RBFOX1: variants seen among roughly 807,000 people sequenced by gnomAD.
The protein encoded by RBFOX1 is RNA binding protein fox-1 homolog 1.
A neutral mutation model predicts 57.7 loss-of-function variants in RBFOX1; 8 were observed. That is an observed-to-expected ratio of 0.14 (90% CI 0.08 to 0.25). The LOEUF (loss-of-function observed/expected upper bound fraction) is 0.25. RBFOX1 is among the 10% of genes least tolerant of loss of function. The pLI, the probability that RBFOX1 is intolerant of heterozygous loss-of-function variation, is 1.00. For synonymous variants in RBFOX1, 326 were observed against 222.4 expected, an observed-to-expected ratio of 1.47 and a Z score of -4.15; for missense variants, 611 against 548.5, an observed-to-expected ratio of 1.11 and a Z score of -1.14.
chr16:7,686,541 GAA>G, intron 14 of RBFOX1, among the ~76,000 whole-genome samples: 1 of 151,816 alleles, frequency 6.6e-6, no homozygotes, highest in Non-Finnish European at 1.5e-5. Flanking sequence ...GGTGGAGAGA[GAA>G]AGAGACTTTC....
chr16:7,437,260 C>A (rs556288333), intron 4 of RBFOX1, among the ~76,000 whole-genome samples: 9 of 144,358 alleles, frequency 6.2e-5, no homozygotes, highest in African/African-American at 1.5e-4. Context: ...GCCCCCCCCC[C>A]CTTTCTGTTA....
upstream of RBFOX1, among the ~76,000 whole-genome samples, chr16:6,017,851 C>A (rs372145305): frequency 2.6e-5 from 4 of 152,188 alleles, no homozygotes; most frequent in South Asian, 4.1e-4. Flanking sequence ...TCACATGGCC[C>A]CCTGTTTTGG....
intron 3 of RBFOX1, among the ~76,000 whole-genome samples, chr16:6,831,956 C>A (rs1035653779): frequency 6.6e-6 from 1 of 152,088 alleles, no homozygotes; most frequent in East Asian, 1.9e-4. Context: ...ATTGCTATTG[C>A]AAAAACGGGA....
intron 1 of RBFOX1, among the ~76,000 whole-genome samples, chr16:5,454,906 C>G (rs1239864616): frequency 0.01 from 701 of 67,938 alleles, 17 homozygotes; most frequent in African/African-American, 0.014. Context: ...TTCTTTCTTT[C>G]TTTCTTTCCT....
At chr16:6,446,665 T>A (rs2094492227) in intron 2 of RBFOX1, among the ~76,000 whole-genome samples, 1 of 152,184 alleles carries the variant, frequency 6.6e-6, no homozygotes, top group South Asian at 2.1e-4. Flanking sequence ...GAACATCTAC[T>A]TTTTAGGATT....
At chr16:6,461,394 T>G (rs2094916493) in intron 2 of RBFOX1, among the ~76,000 whole-genome samples, 1 of 152,228 alleles carries the variant, frequency 6.6e-6, no homozygotes, top group African/African-American at 2.4e-5. Flanking sequence ...TTTGAGGGAT[T>G]AAGACTTCAA....
intron 1 of RBFOX1, among the ~76,000 whole-genome samples, chr16:5,422,959 G>T (rs896229882): frequency 8.3e-6 from 1 of 120,500 alleles, no homozygotes; most frequent in African/African-American, 3.3e-5. Flanking sequence ...GAGGAAAGAG[G>T]AGGAGGAGGG....
At chr16:7,316,995 C>CACAA (rs2096456460) in intron 4 of RBFOX1, among the ~76,000 whole-genome samples, 2 of 117,512 alleles carry the variant, frequency 1.7e-5, no homozygotes, top group Admixed American at 1.8e-4. Flanking sequence ...CAAACACACA[C>CACAA]ACACACAATA....
chr16:6,510,051 T>C (rs1486415567), intron 2 of RBFOX1, among the ~76,000 whole-genome samples: 2 of 152,150 alleles, frequency 1.3e-5, no homozygotes. Context: ...CAGCTTCATA[T>C]CAGGCTCCTG....
At chr16:7,142,235 G>T (rs747908833) in intron 4 of RBFOX1, among the ~76,000 whole-genome samples, 1 of 152,016 alleles carries the variant, frequency 6.6e-6, no homozygotes, top group Non-Finnish European at 1.5e-5. Context: ...TGTTGTCCAG[G>T]CTGGCCTTGA....
At position 6,390,906 on chromosome 16, in the gene RBFOX1, G is replaced by T. The variant is rs574115577; in HGVS notation, c.-64+73849G>T. ...GGCAGCATGGAATGAAGTGGAGACG[G>T]GCTTGTGGGGCCGGGTTTCTCAACC... is the stretch of plus-strand genomic sequence containing the variant. On this transcript the variant is annotated intron_variant, in intron 2 of 15. Transcript: ENST00000550418. Among the ~76,000 whole-genome samples, 9 of 152,198 alleles carry T rather than the reference G, an allele frequency of 5.9e-5. No individual in the cohort carries two copies. In the South Asian group the frequency reaches 1.2e-3, roughly 21 times the overall value.
intron 3 of RBFOX1, among the ~76,000 whole-genome samples, chr16:6,907,456 T>G (rs566802039): frequency 3.3e-5 from 5 of 152,194 alleles, no homozygotes; most frequent in Non-Finnish European, 4.4e-5. Flanking sequence ...GATCGTCTTG[T>G]GTTCTGAAGG....
At chr16:7,214,304 A>G (rs2152806109) in intron 4 of RBFOX1, among the ~76,000 whole-genome samples, 1 of 152,272 alleles carries the variant, frequency 6.6e-6, no homozygotes, top group Admixed American at 6.5e-5. Context: ...TTATGATGAC[A>G]CGATGATCTT....
chr16:5,557,259 C>CA (rs1035707526), intron 2 of RBFOX1, among the ~76,000 whole-genome samples: 18 of 143,472 alleles, frequency 1.3e-4, no homozygotes, highest in African/African-American at 4.0e-4. Context: ...GACTCCATCT[C>CA]AATAAATAAA....
chr16:7,703,126 C>T (rs2081309906), intron 14 of RBFOX1, among the ~76,000 whole-genome samples: 1 of 152,198 alleles, frequency 6.6e-6, no homozygotes, highest in Admixed American at 6.5e-5. Flanking sequence ...AGTTGGTGCC[C>T]TGTTGCTATG....
chr16:7,038,914 G>C (rs908142466), intron 3 of RBFOX1, among the ~76,000 whole-genome samples: 1 of 152,176 alleles, frequency 6.6e-6, no homozygotes, highest in Non-Finnish European at 1.5e-5. Flanking sequence ...TTCAAATTCT[G>C]TGGGCATCCT....
At chr16:6,735,750 A>G (rs1443605653) in intron 3 of RBFOX1, among the ~76,000 whole-genome samples, 1 of 152,172 alleles carries the variant, frequency 6.6e-6, no homozygotes, top group Non-Finnish European at 1.5e-5. Context: ...GTCTACCATG[A>G]TAGTTCCCAA....
rs536274252 is a variant in RBFOX1, at chr16:6,596,421, G to A, written c.-63-58182G>A. On this transcript the variant is annotated intron_variant, in intron 2 of 15. Coordinates refer to ENST00000550418, the MANE Select transcript of RBFOX1 (RefSeq NM_018723.4). ...CTTACTGACTTTGACCCTAGGGTGCGTCACTGCAGTTGTTTAATTGTAGAA... is the reference window on the plus strand; with the variant it reads ...CTTACTGACTTTGACCCTAGGGTGCATCACTGCAGTTGTTTAATTGTAGAA... Among the ~76,000 whole-genome samples the A allele has an allele frequency of 3.3e-5, 5 of 152,110 alleles. No homozygotes were observed. In the East Asian group the frequency reaches 5.8e-4, roughly 18 times the overall value.
chr16:6,521,329 A>G (rs1430219109), intron 2 of RBFOX1, among the ~76,000 whole-genome samples: 2 of 152,174 alleles, frequency 1.3e-5, no homozygotes, highest in East Asian at 1.9e-4. Context: ...ATCCCTGTCT[A>G]ACATTCCACT....
Sources: gnomAD v4.1 joint callset for allele counts (sites outside exome capture counted in the v4.1 genomes callset) on GRCh38, gnomAD v4.1.1 for gene constraint, MANE v1.5 for transcripts, NCBI Gene and HGNC (gene_info 2026-07-23, HGNC 2026-07-21) for gene names.